Variants in ERC2 observed in about 807,000 individuals in gnomAD.
ERC2 encodes ELKS/RAB6-interacting/CAST family member 2.
ERC2 carries 42 observed loss-of-function variants against 114.8 expected under a neutral mutation model. That is an observed-to-expected ratio of 0.37 (90% confidence interval 0.29 to 0.47). ERC2 has a LOEUF of 0.47. Among genes scored for constraint, ERC2 ranks in the 20% least tolerant of loss-of-function variants. The pLI, the probability that ERC2 is intolerant of heterozygous loss-of-function variation, is 0.99. For synonymous variants in ERC2, 454 were observed against 425.5 expected, an observed-to-expected ratio of 1.07 and a Z score of -0.82; for missense variants, 939 against 1,150.7, an observed-to-expected ratio of 0.82 and a Z score of 2.66.
At chr3:55,627,967 A>G (rs1278548270) in intron 17 of ERC2, among the ~76,000 whole-genome samples, 1 of 141,612 alleles carries the variant, frequency 7.1e-6, no homozygotes, top group East Asian at 2.1e-4. Flanking sequence ...GGTTACTGAT[A>G]TATTTAGGTT....
chr3:56,137,525 CA>C lies in ERC2; in HGVS notation c.1473+1983del, dbSNP rs113011673. ...GGCAAACTTTCTGTAAAAAGCCAGACAGTAAATATTTTCAGCTTTGTGGGCC... is the reference window on the plus strand; with the variant it reads ...GGCAAACTTTCTGTAAAAAGCCAGACGTAAATATTTTCAGCTTTGTGGGCC... On this transcript the variant is annotated intron_variant, in intron 6 of 17. Transcript: ENST00000288221. Among the ~76,000 whole-genome samples the C allele has an allele frequency of 5.3e-3, 812 of 152,318 alleles. 9 individuals carry two copies. The highest frequency in any genetic ancestry group is 0.019 in the African/African-American group (781 of 41,570).
intron 1 of ERC2, among the ~76,000 whole-genome samples, chr3:56,463,813 C>A (rs2063423275): frequency 6.6e-6 from 1 of 152,186 alleles, no homozygotes; most frequent in Non-Finnish European, 1.5e-5. Flanking sequence ...CAGGAAAATG[C>A]CATTGCATCC....
Position 55,519,617 on chromosome 3 carries a change from G to A in ERC2, c.*40-8341C>T, listed in dbSNP as rs115909151. Reference sequence around the variant, plus strand: ...CCTGGGACCAGATCAAATTCCCATGGCTCCCAAACTTCCTTATATTGATCT... The same window carrying A: ...CCTGGGACCAGATCAAATTCCCATGACTCCCAAACTTCCTTATATTGATCT... On this transcript the variant is annotated intron_variant, in intron 17 of 17. Transcript: ENST00000288221. Among the ~76,000 whole-genome samples, 600 of 152,214 alleles carry A rather than the reference G, an allele frequency of 3.9e-3. 1 individual carries two copies. Among genetic ancestry groups the A allele is most frequent in the African/African-American group, 0.013 (557 of 41,536 alleles).
chr3:55,685,682 T>C (rs1248052930), intron 16 of ERC2, among the ~76,000 whole-genome samples: 6 of 152,132 alleles, frequency 3.9e-5, no homozygotes, highest in African/African-American at 1.4e-4. Flanking sequence ...ATGGAGGCCC[T>C]AGCTTTCATC....
At chr3:55,641,183 A>G (rs1575890154) in intron 17 of ERC2, among the ~76,000 whole-genome samples, 1 of 152,246 alleles carries the variant, frequency 6.6e-6, no homozygotes, top group South Asian at 2.1e-4. Context: ...AAAGACAGAG[A>G]CCCAATGCCA....
chr3:55,913,495 C>T (rs2064929079), intron 13 of ERC2, among the ~76,000 whole-genome samples: 1 of 151,992 alleles, frequency 6.6e-6, no homozygotes, highest in African/African-American at 2.4e-5. Flanking sequence ...CCTGAAAAAC[C>T]ACAAAAATCC....
At chr3:56,451,434 A>G (rs902168409) in intron 1 of ERC2, among the ~76,000 whole-genome samples, 1 of 152,212 alleles carries the variant, frequency 6.6e-6, no homozygotes, top group African/African-American at 2.4e-5. Flanking sequence ...AATTATGGAG[A>G]CAAGCATTCA....
intron 6 of ERC2, among the ~76,000 whole-genome samples, chr3:56,109,714 T>G (rs2078858994): frequency 6.6e-6 from 1 of 152,182 alleles, no homozygotes; most frequent in African/African-American, 2.4e-5. Flanking sequence ...CACTTCCAAC[T>G]GCAGTGTTGA....
chr3:55,970,017 C>A (rs2069042491), intron 12 of ERC2, among the ~76,000 whole-genome samples: 1 of 152,026 alleles, frequency 6.6e-6, no homozygotes, highest in Admixed American at 6.6e-5. Context: ...TCAAAGGTAA[C>A]TAAGACATTA....
At chr3:55,993,253 C>G (rs569059928) in intron 10 of ERC2, among the ~76,000 whole-genome samples, 2 of 152,066 alleles carry the variant, frequency 1.3e-5, no homozygotes, top group African/African-American at 4.8e-5. Flanking sequence ...AAGTCATATA[C>G]GTATGTATCT....
chr3:55,957,114 T>C (rs546719910), intron 12 of ERC2, among the ~76,000 whole-genome samples: 1 of 152,130 alleles, frequency 6.6e-6, no homozygotes, highest in African/African-American at 2.4e-5. Context: ...GTGTCCAGAT[T>C]TGAAAACTTG....
At chr3:55,579,471 C>T (rs1366256478) in intron 17 of ERC2, among the ~76,000 whole-genome samples, 1 of 152,212 alleles carries the variant, frequency 6.6e-6, no homozygotes, top group Non-Finnish European at 1.5e-5. Flanking sequence ...TCAAAATCCA[C>T]ATAATAACAG....
At chr3:56,414,850 C>T (rs903597610) in intron 2 of ERC2, among the ~76,000 whole-genome samples, 2 of 152,150 alleles carry the variant, frequency 1.3e-5, no homozygotes, top group Non-Finnish European at 2.9e-5. Flanking sequence ...CAAACAACAT[C>T]CATATTTTAC....
At chr3:55,815,956 T>C (rs1011577436) in intron 14 of ERC2, among the ~76,000 whole-genome samples, 27 of 152,194 alleles carry the variant, frequency 1.8e-4, no homozygotes, top group Non-Finnish European at 8.8e-5. Context: ...TCAGGTATCT[T>C]CTTAGAGGGT....
chr3:56,340,350 A>T (rs1325930928), intron 2 of ERC2, among the ~76,000 whole-genome samples: 1 of 152,176 alleles, frequency 6.6e-6, no homozygotes, highest in Non-Finnish European at 1.5e-5. Context: ...GAATGCAGAC[A>T]CCCAGACAAG....
At chr3:55,518,172 A>G (rs1429933213) in intron 17 of ERC2, among the ~76,000 whole-genome samples, 5 of 152,168 alleles carry the variant, frequency 3.3e-5, no homozygotes, top group African/African-American at 1.2e-4. Context: ...AAATTGCTCC[A>G]CTTGACAACC....
chr3:55,923,069 T>C (rs572544906), intron 13 of ERC2, among the ~76,000 whole-genome samples: 1 of 152,268 alleles, frequency 6.6e-6, no homozygotes, highest in East Asian at 1.9e-4. Flanking sequence ...CTTGAACAGA[T>C]ATGTATATAT....
At chr3:55,563,874 T>C (rs1254161737) in intron 17 of ERC2, among the ~76,000 whole-genome samples, 3 of 152,206 alleles carry the variant, frequency 2.0e-5, no homozygotes, top group African/African-American at 7.2e-5. Context: ...CCAATAAATA[T>C]TCTTTTCAGC....
intron 17 of ERC2, among the ~76,000 whole-genome samples, chr3:55,601,764 C>A (rs1003231931): frequency 5.3e-5 from 8 of 152,172 alleles, no homozygotes; most frequent in African/African-American, 1.9e-4. Flanking sequence ...GAGGTCGAGG[C>A]TGCAGTGAGC....
Sources: gnomAD v4.1 joint callset for allele counts (sites outside exome capture counted in the v4.1 genomes callset) on GRCh38, gnomAD v4.1.1 for gene constraint, MANE v1.5 for transcripts, NCBI Gene and HGNC (gene_info 2026-07-23, HGNC 2026-07-21) for gene names.